FSHR: variants seen among roughly 807,000 people sequenced by gnomAD.
The protein encoded by FSHR is follicle stimulating hormone receptor.
A neutral mutation model predicts 52.1 loss-of-function variants in FSHR; 46 were observed. That is an observed-to-expected ratio of 0.88 (90% confidence interval 0.70 to 1.13). FSHR has a LOEUF of 1.13. Ranked by LOEUF, FSHR falls within the 50% of genes most tolerant of loss-of-function variation. The probability of loss-of-function intolerance (pLI) is 0.00; values close to 1 mark genes in which losing one functional copy is unlikely to be tolerated. For missense variants in FSHR, 964 were observed against 834.6 expected (o/e 1.16, Z -1.91); for synonymous variants, 399 against 309.6 (o/e 1.29, Z -3.03).
chr2:49,027,291 G>T (rs1303109959), intron 2 of FSHR, among the ~76,000 whole-genome samples: 2 of 152,188 alleles, frequency 1.3e-5, no homozygotes, highest in Non-Finnish European at 2.9e-5. Flanking sequence ...CTCCGGAGTG[G>T]TTTGATGTTG....
At chr2:48,988,367 C>T (rs1442134018) in intron 6 of FSHR, among the ~76,000 whole-genome samples, 1 of 152,122 alleles carries the variant, frequency 6.6e-6, no homozygotes, top group African/African-American at 2.4e-5. Flanking sequence ...CTTAGATAGC[C>T]CATAGTGTCC....
intron 2 of FSHR, among the ~76,000 whole-genome samples, chr2:49,061,857 A>G (rs369277935): frequency 7.6e-6 from 1 of 131,894 alleles, no homozygotes. Flanking sequence ...TATAAATATA[A>G]TATATTTATA....
At chr2:49,099,842 C>T (rs1422764351) in intron 1 of FSHR, among the ~76,000 whole-genome samples, 2 of 152,090 alleles carry the variant, frequency 1.3e-5, no homozygotes, top group Non-Finnish European at 1.5e-5. Context: ...CTAAGTTTAG[C>T]GTTCTAACCT....
chr2:49,034,138 G>A (rs1188839453), intron 2 of FSHR, among the ~76,000 whole-genome samples: 1 of 152,202 alleles, frequency 6.6e-6, no homozygotes, highest in Non-Finnish European at 1.5e-5. Context: ...TTTAATATCT[G>A]TAGGAGAACT....
chr2:49,017,067 A>T (rs983229862), intron 4 of FSHR, among the ~76,000 whole-genome samples: 1 of 152,248 alleles, frequency 6.6e-6, no homozygotes, highest in African/African-American at 2.4e-5. Context: ...TAACGAAAAC[A>T]TACAAAATAA....
rs529804163 is a variant in FSHR, at chr2:49,036,684, T to C, written c.225-16524A>G. On this transcript the variant is annotated intron_variant, in intron 2 of 9. Transcript: ENST00000406846. ...ATCAGGCAGCCCCAGTTTGTCAAGG[T>C]AGAACATAATCTAAACTATGTCTTT... Among the ~76,000 whole-genome samples the C allele has an allele frequency of 3.3e-5, 5 of 152,244 alleles. No individual in the cohort carries two copies. The South Asian group carries it at 6.2e-4, about 19-fold the overall frequency.
intron 1 of FSHR, among the ~76,000 whole-genome samples, chr2:49,130,518 A>T (rs1021091941): frequency 6.6e-6 from 1 of 152,124 alleles, no homozygotes; most frequent in Admixed American, 6.6e-5. Flanking sequence ...ATACAATCCA[A>T]TTCAGTTCAA....
intron 1 of FSHR, among the ~76,000 whole-genome samples, chr2:49,134,380 A>C (rs929738611): frequency 1.3e-5 from 2 of 152,222 alleles, no homozygotes; most frequent in African/African-American, 4.8e-5. Flanking sequence ...ATCTCACACC[A>C]GTTAAAATGG....
chr2:49,007,725 G>T (rs1016417228), intron 4 of FSHR, among the ~76,000 whole-genome samples: 1 of 152,082 alleles, frequency 6.6e-6, no homozygotes, highest in African/African-American at 2.4e-5. Context: ...GAAAGGAAAA[G>T]AGACCCCATC....
At chr2:48,985,131 CGAT>C in intron 6 of FSHR, among the ~76,000 whole-genome samples, 1 of 151,632 alleles carries the variant, frequency 6.6e-6, no homozygotes, top group Non-Finnish European at 1.5e-5. Context: ...ACGATGATGA[CGAT>C]GACTACAACA....
intron 1 of FSHR, among the ~76,000 whole-genome samples, chr2:49,152,891 C>T (rs1673113128): frequency 6.6e-6 from 1 of 152,206 alleles, no homozygotes; most frequent in African/African-American, 2.4e-5. Flanking sequence ...CTTATAGGAG[C>T]TCAGGTACAT....
chr2:49,154,370 T>G lies in FSHR; in HGVS notation c.48A>C (p.Ser16=). 6.2e-7 allele frequency: 1 copy of G among 1,613,434 alleles called. No individual in the cohort carries two copies. Among genetic ancestry groups the G allele is most frequent in the Non-Finnish European group, 8.5e-7 (1 of 1,179,916 alleles). Residue 16 remains serine (S), a synonymous_variant, in exon 1 of 10, where the codon TCA becomes TCC. Transcript: ENST00000406846. ...AGTGACAGATCCGATGATGACATCC[T>G]GAGCCCAAGCTCAGGAATGCCAGCA... ...VSLLAFLSLG[S]GCHHRICHCS... is the part of the protein sequence containing the mutation.
Position 49,154,399 on chromosome 2 carries a change from A to G in FSHR, c.19T>C (p.Ser7Pro), listed in dbSNP as rs146918036. The G allele has an allele frequency of 2.5e-6, 4 of 1,612,770 alleles. No individual in the cohort carries two copies. Among genetic ancestry groups the G allele is most frequent in the Non-Finnish European group, 2.5e-6 (3 of 1,179,898 alleles). ...CCCAAGCTCAGGAATGCCAGCAAAG[A>G]GACCAGGAGCAGGGCCATAATTATG... MALLLV[S>P]LLAFLSLGSG... Residue 7 changes from serine (S) to proline (P), a missense_variant, in exon 1 of 10, where the codon TCT (serine) becomes CCT (proline). Coordinates refer to ENST00000406846, the MANE Select transcript of FSHR (RefSeq NM_000145.4).
intron 1 of FSHR, among the ~76,000 whole-genome samples, chr2:49,127,061 C>T (rs1300417575): frequency 2.0e-5 from 3 of 152,206 alleles, no homozygotes; most frequent in Admixed American, 6.5e-5. Flanking sequence ...GGTGCAGTGG[C>T]TCATGCCTGA....
chr2:48,997,291 G>A (rs1922464), intron 4 of FSHR: 1 of 983,574 alleles, frequency 1.0e-6, no homozygotes, highest in Non-Finnish European at 1.2e-6. Context: ...AAAACTAGAA[G>A]TATTTAACTC....
intron 2 of FSHR, among the ~76,000 whole-genome samples, chr2:49,060,389 G>A (rs1246735946): frequency 6.6e-6 from 1 of 152,070 alleles, no homozygotes; most frequent in African/African-American, 2.4e-5. Context: ...ACATTACCTT[G>A]ACCACTCAGA....
At chr2:49,105,073 C>T (rs1017883366) in intron 1 of FSHR, among the ~76,000 whole-genome samples, 1 of 152,100 alleles carries the variant, frequency 6.6e-6, no homozygotes, top group African/African-American at 2.4e-5. Flanking sequence ...CAATTCTGGA[C>T]AGGGTGAGGG....
At chr2:49,088,948 T>C (rs1291930451) in intron 1 of FSHR, among the ~76,000 whole-genome samples, 2 of 152,204 alleles carry the variant, frequency 1.3e-5, no homozygotes, top group African/African-American at 2.4e-5. Flanking sequence ...TGAGTAATTA[T>C]ATTTTACTGA....
At chr2:48,986,859 A>G (rs921268470) in intron 6 of FSHR, among the ~76,000 whole-genome samples, 1 of 152,228 alleles carries the variant, frequency 6.6e-6, no homozygotes, top group Non-Finnish European at 1.5e-5. Flanking sequence ...AAAAAGTCAG[A>G]TCAATGATAC....
Sources: gnomAD v4.1 joint callset for allele counts (sites outside exome capture counted in the v4.1 genomes callset) on GRCh38, gnomAD v4.1.1 for gene constraint, MANE v1.5 for transcripts, NCBI Gene and HGNC (gene_info 2026-07-23, HGNC 2026-07-21) for gene names.